Variants in AGXT observed in about 807,000 individuals in gnomAD.
AGXT encodes alanine--glyoxylate aminotransferase.
Under a neutral mutation model 46.9 loss-of-function variants are expected in AGXT, and 41 were observed. The ratio of observed to expected loss-of-function variants is 0.88; its 90% CI spans 0.68 to 1.14. AGXT has a LOEUF of 1.14. Ranked by LOEUF, AGXT falls within the 50% of genes most tolerant of loss-of-function variation. The pLI, the probability that AGXT is intolerant of heterozygous loss-of-function variation, is 0.00. For synonymous variants in AGXT, 244 were observed against 227.9 expected (o/e 1.07, Z -0.64); for missense variants, 525 against 522.7 (o/e 1.00, Z -0.04).
intron 9 of AGXT, 45 bp from the exon 10 acceptor site, chr2:240,877,977 G>A (rs376995113): frequency 2.0e-5 from 32 of 1,603,910 alleles, no homozygotes; most frequent in Admixed American, 3.3e-5. Flanking sequence ...ACAAAGGCCC[G>A]TACAGGGCCT....
rs780905277 is a variant in AGXT, at chr2:240,868,978, T to C, written c.113T>C (p.Met38Thr). The C allele has an allele frequency of 3.2e-6, 5 of 1,559,528 alleles. No individual in the cohort carries two copies. Among genetic ancestry groups the C allele is most frequent in the Non-Finnish European group, 4.4e-6 (5 of 1,148,364 alleles). ...CCTTCCAACCTGCCTCCTCGCATCA[T>C]GGCAGCCGGGGGGCTGCAGATGATC... is the stretch of plus-strand genomic sequence containing the variant. ...PGPSNLPPRI[M>T]AAGGLQMIGS... Residue 38 changes from methionine to threonine, a missense_variant, in exon 1 of 11, where the codon ATG becomes ACG. Coordinates refer to ENST00000307503, the MANE Select transcript of AGXT (RefSeq NM_000030.3).
At chr2:240,872,884 C>T (rs1180551998) in intron 4 of AGXT, 95 bp from the exon 5 acceptor site, 7 of 1,131,966 alleles carry the variant, frequency 6.2e-6, no homozygotes, top group African/African-American at 1.5e-5. Context: ...TCCTTGCCAG[C>T]CTGAGGCTCA....
chr2:240,871,009 A>C (rs2058987823), intron 3 of AGXT, among the ~76,000 whole-genome samples: 1 of 152,058 alleles, frequency 6.6e-6, no homozygotes, highest in South Asian at 2.1e-4. Flanking sequence ...TAGGCTGCAG[A>C]ACATGTCCCT....
In AGXT at chr2:240,869,312, G is replaced by A. The variant is rs180177196; in HGVS notation, c.308G>A (p.Gly103Glu). The A allele has an allele frequency of 6.2e-7, 1 of 1,611,696 alleles. No homozygotes were observed. Among genetic ancestry groups the A allele is most frequent in the Non-Finnish European group, 8.5e-7 (1 of 1,178,538 alleles). The change falls in exon 2 of 11, where the codon GGG (glycine) becomes GAG (glutamate). Residue 103 changes from glycine to glutamate, a missense_variant. By Grantham distance (98) the Gly-to-Glu change is moderately conservative (BLOSUM62 -2). Coordinates refer to ENST00000307503, the MANE Select transcript of AGXT (RefSeq NM_000030.3). The stretch of plus-strand genomic sequence containing the variant: ...GAGCCTGGGGACTCCTTCCTGGTTG[G>A]GGCCAATGGCATTTGGGGGCAGCGA... ...VLEPGDSFLV[G>E]ANGIWGQRAV...
intron 4 of AGXT, among the ~76,000 whole-genome samples, chr2:240,872,026 TA>T (rs2058993471): frequency 6.6e-6 from 1 of 152,216 alleles, no homozygotes; most frequent in Non-Finnish European, 1.5e-5. Flanking sequence ...TGGCCATGAA[TA>T]AAGCTCACAA....
intron 2 of AGXT, among the ~76,000 whole-genome samples, chr2:240,870,189 G>A (rs765216589): frequency 1.3e-5 from 2 of 152,102 alleles, no homozygotes; most frequent in Non-Finnish European, 2.9e-5. Flanking sequence ...CTGATTCCTG[G>A]AGTCCCCAGC....
Position 240,878,831 on chromosome 2 carries a change from TG to T in AGXT, c.*12del. The stretch of plus-strand genomic sequence containing the variant: ...CAAGAAGAAGCTGTGACCTGCCCAC[TG>T]GCACACAGCTGGCACTGGCACACAC... On this transcript the variant is annotated 3_prime_UTR_variant, in exon 11 of 11. Coordinates refer to ENST00000307503, the MANE Select transcript of AGXT (RefSeq NM_000030.3). 6.3e-7 allele frequency: 1 copy of T among 1,577,644 alleles called. No individual in the cohort carries two copies. Among genetic ancestry groups the T allele is most frequent in the Non-Finnish European group, 8.6e-7 (1 of 1,164,172 alleles).
rs2059048572 is a variant in AGXT at position 240,879,771 on chromosome 2, AAGTGCT to A, written c.*951_*956del. On this transcript the variant is annotated 3_prime_UTR_variant, in exon 11 of 11. Coordinates refer to ENST00000307503, the MANE Select transcript of AGXT (RefSeq NM_000030.3). Reference sequence around the variant, plus strand: ...GTGATCCACCTGCCTCGGCCTCCCAAAGTGCTGGGATTACAAGCGTGAGCCACTGTG... The same window carrying A: ...GTGATCCACCTGCCTCGGCCTCCCAAGGGATTACAAGCGTGAGCCACTGTG... The A allele has an allele frequency of 6.6e-6, 1 of 152,226 alleles. No homozygotes were observed. Among genetic ancestry groups the A allele is most frequent in the Non-Finnish European group, 1.5e-5 (1 of 68,094 alleles). 9.4% of individuals were successfully genotyped at this position (152,226 alleles called of 1,614,324 possible).
Position 240,875,108 on chromosome 2 carries a change from G to T in AGXT, c.681-1G>T, listed in dbSNP as rs112673831. 1.2e-6 allele frequency: 2 copies of T among 1,609,734 alleles called. No homozygotes were observed. The highest frequency in any genetic ancestry group is 1.7e-6 in the Non-Finnish European group (2 of 1,176,062). ...TGCTCAGCCTGCTTCTTTCTCCCCA[G>T]AAAGAAGATGTACTCCCGCAAGACG... On this transcript the variant is annotated splice_acceptor_variant, in intron 6 of 10. Coordinates refer to ENST00000307503, the MANE Select transcript of AGXT (RefSeq NM_000030.3). LOFTEE classifies it high-confidence loss of function.
intron 2 of AGXT, among the ~76,000 whole-genome samples, chr2:240,869,896 T>C (rs1471635018): frequency 6.6e-6 from 1 of 152,136 alleles, no homozygotes; most frequent in Admixed American, 6.5e-5. Flanking sequence ...ATTGTGGCAT[T>C]GAGGGACATC....
intron 7 of AGXT, among the ~76,000 whole-genome samples, chr2:240,875,478 G>A (rs996209479): frequency 6.6e-6 from 1 of 152,338 alleles, no homozygotes; most frequent in Non-Finnish European, 1.5e-5. Context: ...CACACCCTCG[G>A]GCACTTTGGA....
At chr2:240,873,236 T>A (rs1214763261) in intron 5 of AGXT, 187 bp downstream of exon 5, 1 of 591,646 alleles carries the variant, frequency 1.7e-6, no homozygotes, top group Non-Finnish European at 3.0e-6. Flanking sequence ...AGCACCCCAG[T>A]GTTTCCACTG....
intron 2 of AGXT, 34 bp from the exon 3 acceptor site, chr2:240,870,610 G>A (rs1275274892): frequency 5.2e-6 from 8 of 1,549,228 alleles, no homozygotes; most frequent in South Asian, 1.2e-5. Flanking sequence ...CAGTGTGTGC[G>A]GGACACTCAC....
Position 240,869,342 on chromosome 2 carries a change from T to C in AGXT, c.338T>C (p.Val113Ala). 6.2e-7 allele frequency: 1 copy of C among 1,603,248 alleles called. No individual in the cohort carries two copies. The highest frequency in any genetic ancestry group is 8.5e-7 in the Non-Finnish European group (1 of 1,173,668). The change falls in exon 2 of 11, where the codon GTG becomes GCG. Residue 113 changes from valine to alanine, a missense_variant. Physicochemically the swap from Val to Ala is moderately conservative, Grantham distance 64. Coordinates refer to ENST00000307503, the MANE Select transcript of AGXT (RefSeq NM_000030.3). ...GANGIWGQRA[V>A]DIGERIGARV... ...AATGGCATTTGGGGGCAGCGAGCCG[T>C]GGACATCGGGGAGCGCATAGGTAAG...
At chr2:240,871,700 G>A (rs1461697953) in intron 4 of AGXT, among the ~76,000 whole-genome samples, 1 of 152,188 alleles carries the variant, frequency 6.6e-6, no homozygotes, top group Non-Finnish European at 1.5e-5. Flanking sequence ...TCTGTCCCCA[G>A]GGCTGAAGAG....
At chr2:240,878,636 T>C (rs2059040904) in intron 10 of AGXT, 78 bp from the exon 11 acceptor site, 4 of 1,397,278 alleles carry the variant, frequency 2.9e-6, no homozygotes, top group Non-Finnish European at 3.9e-6. Flanking sequence ...GAGCCCATCC[T>C]GGCTCTGGCC....
At chr2:240,877,723 T>A in intron 9 of AGXT, 91 bp downstream of exon 9, 1 of 1,397,386 alleles carries the variant, frequency 7.2e-7, no homozygotes, top group Non-Finnish European at 9.8e-7. Context: ...CACTGGCTCC[T>A]GAGAAGGAGG....
Position 240,878,076 on chromosome 2 carries a change from A to C in AGXT, c.997A>C (p.Arg333=), listed in dbSNP as rs180177303. 6.2e-7 allele frequency: 1 copy of C among 1,613,306 alleles called. No individual in the cohort carries two copies. The highest frequency in any genetic ancestry group is 1.7e-5 in the Admixed American group (1 of 60,020). The part of the protein sequence containing the change: ...TVAVPAGYDW[R]DIVSYVIDHF... ...GGCTGTACCCGCTGGCTATGACTGG[A>C]GAGACATCGTCAGCTACGTCATAGA... The change falls in exon 10 of 11, where the codon AGA becomes CGA. Residue 333 remains arginine (R), a synonymous_variant. Transcript: ENST00000307503.
chr2:240,869,569 A>G (rs1218834926), intron 2 of AGXT, among the ~76,000 whole-genome samples: 4 of 152,204 alleles, frequency 2.6e-5, no homozygotes, highest in African/African-American at 9.6e-5. Flanking sequence ...GGCTGGGAGC[A>G]GCACAGGTGC....
Sources: gnomAD v4.1 joint callset for allele counts (sites outside exome capture counted in the v4.1 genomes callset) on GRCh38, gnomAD v4.1.1 for gene constraint, MANE v1.5 for transcripts, NCBI Gene and HGNC (gene_info 2026-07-23, HGNC 2026-07-21) for gene names.